TG: variants seen among roughly 807,000 people sequenced by gnomAD.
The protein encoded by TG is thyroglobulin, also known as thyroid hormones.
In TG, 270 loss-of-function variants were observed where a neutral mutation model predicts 324.7. The observed-to-expected ratio is 0.83, with a 90% CI of 0.75 to 0.92. TG has a LOEUF of 0.92. TG is among the 40% of genes least tolerant of loss of function. The pLI, the probability that TG is intolerant of heterozygous loss-of-function variation, is 0.00. For synonymous variants in TG, 1,401 were observed against 1,327.0 expected, an observed-to-expected ratio of 1.06 and a Z score of -1.21; for missense variants, 3,591 against 3,456.4, an observed-to-expected ratio of 1.04 and a Z score of -0.98.
chr8:133,017,639 C>A (rs1587772560), intron 37 of TG, 139 bp from the exon 38 acceptor site: 1 of 847,420 alleles, frequency 1.2e-6, no homozygotes, highest in East Asian at 2.6e-5. Context: ...CTGTAGGGGT[C>A]TGAATGAATG....
intron 41 of TG, among the ~76,000 whole-genome samples, chr8:133,044,575 T>C (rs1037340635): frequency 6.6e-6 from 1 of 152,136 alleles, no homozygotes; most frequent in African/African-American, 2.4e-5. Context: ...TATAGCTTCA[T>C]CGCAGAGGCG....
Position 133,077,352 on chromosome 8 carries a change from G to A in TG, c.7240-17692G>A, listed in dbSNP as rs1325070448. Among the ~76,000 whole-genome samples the A allele has an allele frequency of 2.6e-5, 4 of 152,324 alleles. No individual in the cohort carries two copies. In the East Asian group the frequency reaches 7.7e-4, roughly 29 times the overall value. ...GGAGAAAGGCAGGATGCAGAGCCCTGGAGGTCAGGGCCGCAGGCTCTTCTC... is the reference window on the plus strand; with the variant it reads ...GGAGAAAGGCAGGATGCAGAGCCCTAGAGGTCAGGGCCGCAGGCTCTTCTC... On this transcript the variant is annotated intron_variant, in intron 41 of 47. Coordinates refer to ENST00000220616, the MANE Select transcript of TG (RefSeq NM_003235.5).
At chr8:132,963,135 C>A in intron 29 of TG, 61 bp downstream of exon 29, 1 of 1,466,514 alleles carries the variant, frequency 6.8e-7, no homozygotes, top group Non-Finnish European at 9.6e-7. Flanking sequence ...TAAATGGGTG[C>A]ACCAAGAGTT....
At chr8:133,051,813 A>G (rs1840465180) in intron 41 of TG, among the ~76,000 whole-genome samples, 1 of 152,180 alleles carries the variant, frequency 6.6e-6, no homozygotes, top group Non-Finnish European at 1.5e-5. Flanking sequence ...TGTATCAGCA[A>G]ATACAGTTAT....
rs1016628783 is a variant in TG at position 132,932,391 on chromosome 8, G to A, written c.4817-1170G>A. 2.0e-5 allele frequency among the ~76,000 whole-genome samples: 3 copies of A among 152,138 alleles called. No homozygotes were observed. The South Asian group carries it at 6.2e-4, about 32-fold the overall frequency. On this transcript the variant is annotated intron_variant, in intron 23 of 47. Coordinates refer to ENST00000220616, the MANE Select transcript of TG (RefSeq NM_003235.5). ...CTCGCCTTTCAGCTGGGCAAATACA[G>A]GGGGAAGGGCTCAGGAATTGGATTG...
rs755456063 is a variant in TG at position 132,967,801 on chromosome 8, G to T, written c.5694G>T (p.Val1898=). Residue 1898 remains valine, a synonymous_variant, in exon 31 of 48, where the codon GTG becomes GTT. Transcript: ENST00000220616. ...CTACTCTCTTGCCTGTAGGTTGTGT[G>T]CAGGAGCACTCTTTCTGTCAGCTCG... ...QANLWCLSRC[V]QEHSFCQLAE... is the part of the protein sequence containing the mutation. The T allele has an allele frequency of 1.2e-6, 2 of 1,613,608 alleles. No homozygotes were observed.
intron 5 of TG, 39 bp downstream of exon 5, chr8:132,873,260 C>A: frequency 6.2e-7 from 1 of 1,611,908 alleles, no homozygotes; most frequent in Non-Finnish European, 8.5e-7. Context: ...TGGGCCATCA[C>A]CTGACGCAGC....
intron 37 of TG, among the ~76,000 whole-genome samples, chr8:133,014,986 A>G (rs1834890087): frequency 6.6e-6 from 1 of 152,130 alleles, no homozygotes; most frequent in Non-Finnish European, 1.5e-5. Context: ...CCCGGGTTCA[A>G]GCGATTCTCA....
At chr8:132,889,012 A>G (rs961369730) in intron 10 of TG, among the ~76,000 whole-genome samples, 1 of 152,216 alleles carries the variant, frequency 6.6e-6, no homozygotes, top group African/African-American at 2.4e-5. Context: ...GAATGCTGCT[A>G]AATATGCAGG....
At chr8:133,029,758 C>A in intron 40 of TG, 63 bp from the exon 41 acceptor site, 2 of 1,605,024 alleles carry the variant, frequency 1.2e-6, no homozygotes, top group Non-Finnish European at 1.7e-6. Context: ...TAGACAGCAC[C>A]ATGATTTTCA....
At chr8:132,875,070 A>T (rs780081086) in intron 5 of TG, among the ~76,000 whole-genome samples, 7 of 152,190 alleles carry the variant, frequency 4.6e-5, no homozygotes, top group African/African-American at 1.2e-4. Flanking sequence ...CCATCCGTCA[A>T]ATGGAAGACA....
At chr8:133,059,984 G>A (rs1182793322) in intron 41 of TG, 1 of 993,938 alleles carries the variant, frequency 1.0e-6, no homozygotes, top group Non-Finnish European at 1.5e-6. Flanking sequence ...GATATAATGA[G>A]CCCTTCGGTA....
At chr8:133,045,265 C>T in intron 41 of TG, 1 of 723,388 alleles carries the variant, frequency 1.4e-6, no homozygotes, top group East Asian at 2.7e-5. Context: ...CTCCACTAGA[C>T]CCTTCTCTGT....
intron 27 of TG, among the ~76,000 whole-genome samples, chr8:132,957,681 C>T (rs1827094934): frequency 1.3e-5 from 2 of 149,710 alleles, no homozygotes; most frequent in South Asian, 4.3e-4. Flanking sequence ...GGGGATGTGA[C>T]TGAATTTGTA....
chr8:132,877,099 A>C (rs1813917850), intron 5 of TG, among the ~76,000 whole-genome samples: 1 of 152,174 alleles, frequency 6.6e-6, no homozygotes, highest in African/African-American at 2.4e-5. Context: ...TTGGCTATGC[A>C]TCAGGCGCTC....
intron 5 of TG, among the ~76,000 whole-genome samples, chr8:132,878,241 A>G (rs1405747296): frequency 1.3e-5 from 2 of 152,206 alleles, no homozygotes; most frequent in African/African-American, 4.8e-5. Flanking sequence ...AGGGGGGAAC[A>G]CTGTATGCCA....
rs756062007 is a variant in TG, at chr8:132,963,052, G to C, written c.5526G>C (p.Arg1842Ser). 2.5e-5 allele frequency: 40 copies of C among 1,613,880 alleles called. No homozygotes were observed. Among genetic ancestry groups the C allele is most frequent in the Non-Finnish European group, 3.2e-5 (38 of 1,179,910 alleles). ...SMGCRKDTVP[R>S]PASPTEAGLT... ...GATGTAGAAAAGACACAGTGCCAAG[G>C]CCAGCATCTCCAACAGAAGCAGGTA... Residue 1842 changes from arginine (R) to serine (S), a missense_variant, in exon 29 of 48, where the codon AGG becomes AGC. Coordinates refer to ENST00000220616, the MANE Select transcript of TG (RefSeq NM_003235.5).
chr8:133,070,029 A>AAAAAAAAAAAAAAAAAAAAC (rs376711807), intron 41 of TG, among the ~76,000 whole-genome samples: 3 of 109,812 alleles, frequency 2.7e-5, no homozygotes, highest in African/African-American at 1.2e-4. Flanking sequence ...AAAAAAAAGA[A>AAAAAAAAAAAAAAAAAAAAC]AGAAAGAAAG....
At chr8:132,880,743 A>G (rs1789935177) in intron 5 of TG, among the ~76,000 whole-genome samples, 1 of 152,244 alleles carries the variant, frequency 6.6e-6, no homozygotes, top group Admixed American at 6.5e-5. Flanking sequence ...TCAGTTGTAC[A>G]GTTGTAATTG....
Sources: allele counts gnomAD v4.1 joint callset (sites outside exome capture counted in the v4.1 genomes callset), GRCh38; gene constraint gnomAD v4.1.1; transcripts MANE v1.5; gene names NCBI Gene and HGNC (gene_info 2026-07-23, HGNC 2026-07-21).